RSKR: variants seen among roughly 807,000 people sequenced by gnomAD.
RSKR encodes the protein ribosomal protein S6 kinase-related protein.
A neutral mutation model predicts 56.8 loss-of-function variants in RSKR; 44 were observed. That is an observed-to-expected ratio of 0.77 (90% CI 0.61 to 1.00). The LOEUF is 1.00. RSKR is among the 50% of genes least tolerant of loss of function. The pLI is 0.00. For missense variants in RSKR, 510 were observed against 506.9 expected, an observed-to-expected ratio of 1.01 and a Z score of -0.06; for synonymous variants, 181 against 188.0, an observed-to-expected ratio of 0.96 and a Z score of 0.30.
In RSKR at chr17:28,610,831, G is replaced by A. The variant is rs894933571; in HGVS notation, c.1012-132C>T. The A allele has an allele frequency of 6.5e-6, 6 of 920,626 alleles. No homozygotes were observed. In the African/African-American group the frequency reaches 1.0e-4, roughly 15 times the overall value. 57.0% of individuals were successfully genotyped at this position (920,626 alleles called of 1,614,324 possible). ...AAGAACCCTGAAGAGTAGATGATTT[G>A]TAAAAGAGGGAGAAATAGAGGCTAA... On this transcript the variant is annotated intron_variant, in intron 11 of 11. Coordinates refer to ENST00000301037, the MANE Select transcript of RSKR (RefSeq NM_001174103.2).
At chr17:28,613,981 C>A in intron 1 of RSKR, 106 bp downstream of exon 1, 1 of 1,443,658 alleles carries the variant, frequency 6.9e-7, no homozygotes, top group Non-Finnish European at 9.5e-7. Context: ...TGCCCCACCC[C>A]CACATTGGGT....
At position 28,612,300 on chromosome 17, in the gene RSKR, G is replaced by C. The variant is rs761972074; in HGVS notation, c.614C>G (p.Ser205Cys). 1.2e-6 allele frequency: 2 copies of C among 1,614,140 alleles called. No individual in the cohort carries two copies. The highest frequency in any genetic ancestry group is 1.7e-6 in the Non-Finnish European group (2 of 1,180,020). Residue 205 changes from serine to cysteine, a missense_variant, in exon 6 of 12, where the codon TCC becomes TGC. Transcript: ENST00000301037. ...WSAVGCFPEA[S>C]IRLFAAELVL... ...CAACTCGGCAGCAAAGAGACGGATG[G>C]AAGCCTCAGGAAAGCAGCCAACAGC...
At position 28,613,263 on chromosome 17, in the gene RSKR, T is replaced by C; in HGVS notation, c.407A>G (p.Lys136Arg). 6.2e-7 allele frequency: 1 copy of C among 1,614,158 alleles called. No homozygotes were observed. Among genetic ancestry groups the C allele is most frequent in the Non-Finnish European group, 8.5e-7 (1 of 1,180,034 alleles). ...DCTQKAVFAV[K>R]VVPKVKVLQR... is the part of the protein sequence containing the mutation. ...CTAATGTGGTATCTACGCCCCTACC[T>C]TCACTGCAAATACAGCTTTCTGGGT... Residue 136 changes from lysine (K) to arginine (R), a missense_variant and splice_region_variant, in exon 3 of 12, where the codon AAG (lysine) becomes AGG (arginine). Physicochemically the swap from Lys to Arg is conservative, Grantham distance 26. Transcript: ENST00000301037.
At position 28,611,797 on chromosome 17, in the gene RSKR, T is replaced by C. The variant is rs1232495579; in HGVS notation, c.694-2A>G. The C allele has an allele frequency of 1.5e-5, 24 of 1,614,250 alleles. No individual in the cohort carries two copies. Among genetic ancestry groups the C allele is most frequent in the Non-Finnish European group, 1.9e-5 (22 of 1,180,046 alleles). On this transcript the variant is annotated splice_acceptor_variant, in intron 7 of 11. Transcript: ENST00000301037. LOFTEE classifies it high-confidence loss of function. ...TTCATCTAGAAGAATATTCTCCATCTGAAAGATCACAGGTGAGAAGTAATT... is the reference window on the plus strand; with the variant it reads ...TTCATCTAGAAGAATATTCTCCATCCGAAAGATCACAGGTGAGAAGTAATT...
At chr17:28,611,311 A>G in intron 10 of RSKR, 58 bp from the exon 11 acceptor site, 1 of 1,529,898 alleles carries the variant, frequency 6.5e-7, no homozygotes, top group South Asian at 1.2e-5. Context: ...TAGTAGGAAT[A>G]CGGCAAGATT....
intron 1 of RSKR, 161 bp downstream of exon 1, chr17:28,613,926 T>C: frequency 2.0e-6 from 2 of 998,618 alleles, no homozygotes; most frequent in South Asian, 3.2e-5. Flanking sequence ...GAGTACAGCC[T>C]GCACCTCAGT....
intron 1 of RSKR, 49 bp from the exon 2 acceptor site, chr17:28,613,737 A>C: frequency 6.2e-7 from 1 of 1,605,894 alleles, no homozygotes; most frequent in Admixed American, 1.7e-5. Context: ...GAGGCATAGC[A>C]GGTTCCACCC....
intron 1 of RSKR, 98 bp downstream of exon 1, chr17:28,613,989 G>A: frequency 1.4e-6 from 2 of 1,480,870 alleles, no homozygotes; most frequent in Non-Finnish European, 1.8e-6. Flanking sequence ...CCCCACATTG[G>A]GTAATCACTT....
Position 28,614,080 on chromosome 17 carries a change from A to T in RSKR, c.75+7T>A. 1 of 1,612,262 alleles carries T rather than the reference A, an allele frequency of 6.2e-7. No homozygotes were observed. Among genetic ancestry groups the T allele is most frequent in the Non-Finnish European group, 8.5e-7 (1 of 1,178,842 alleles). On this transcript the variant is annotated splice_region_variant and intron_variant, in intron 1 of 11. Coordinates refer to ENST00000301037, the MANE Select transcript of RSKR (RefSeq NM_001174103.2). ...CCTCAGTAGGCTGCCAGAGCCCCAC[A>T]GCCTACCTTGTGAGGGACAGCCACC...
At chr17:28,612,473 C>A (rs765798090) in intron 5 of RSKR, 107 bp from the exon 6 acceptor site, 11 of 1,375,754 alleles carry the variant, frequency 8.0e-6, no homozygotes, top group Admixed American at 1.9e-5. Context: ...CAAACTGATA[C>A]CACCTGCTGT....
At chr17:28,613,756 A>G in intron 1 of RSKR, 68 bp from the exon 2 acceptor site, 1 of 1,591,870 alleles carries the variant, frequency 6.3e-7, no homozygotes, top group Admixed American at 1.7e-5. Flanking sequence ...CCATCTTACT[A>G]GGCACTCCCT....
At position 28,613,439 on chromosome 17, in the gene RSKR, C is replaced by A; in HGVS notation, c.324+1G>T. On this transcript the variant is annotated splice_donor_variant, in intron 2 of 11. Coordinates refer to ENST00000301037, the MANE Select transcript of RSKR (RefSeq NM_001174103.2). LOFTEE classifies it high-confidence loss of function. ...CCCACTCAGGGATTCCACTGACTTA[C>A]CTTCAGCTGCTGCTGCCCCCTAATG... 2 of 1,614,232 alleles carry A rather than the reference C, an allele frequency of 1.2e-6. No individual in the cohort carries two copies. The highest frequency in any genetic ancestry group is 8.5e-7 in the Non-Finnish European group (1 of 1,180,036).
chr17:28,613,095 CTT>C lies in RSKR; in HGVS notation c.458_459del (p.Lys153ArgfsTer4). ...GTGCATACCTGGATGCTAACCTCCT[CTT>C]TGCACTGCCTCACGGTATCCCTCTG... ...VLQRDTVRQC[K>X]EEVSIQRQIN... is the part of the protein sequence containing the mutation. On this transcript the variant is annotated frameshift_variant, in exon 4 of 12. Transcript: ENST00000301037. LOFTEE classifies it high-confidence loss of function. 1 of 1,614,146 alleles carries C rather than the reference CTT, an allele frequency of 6.2e-7. No homozygotes were observed. The highest frequency in any genetic ancestry group is 8.5e-7 in the Non-Finnish European group (1 of 1,180,028).
At chr17:28,610,748 C>T in intron 11 of RSKR, 49 bp from the exon 12 acceptor site, 1 of 1,496,854 alleles carries the variant, frequency 6.7e-7, no homozygotes, top group South Asian at 1.2e-5. Context: ...CAGGACAGGC[C>T]TGAACAGAAA....
Position 28,609,738 on chromosome 17 carries a change from CAA to C in RSKR, c.*738_*739del, listed in dbSNP as rs890068022. ...GGGTGACGAGAGTGAGACCCTATCT[CAA>C]AAAAAAAAAAAAAAAAAAAAAAAAA... On this transcript the variant is annotated 3_prime_UTR_variant, in exon 12 of 12. Transcript: ENST00000301037. 3.5e-4 allele frequency: 7 copies of C among 20,014 alleles called. No homozygotes were observed. Among genetic ancestry groups the C allele is most frequent in the East Asian group, 1.7e-3 (1 of 580 alleles). 1.2% of individuals were successfully genotyped at this position (20,014 alleles called of 1,614,324 possible). A position where few individuals can be genotyped will look rare whatever the true frequency, so the allele number is the denominator to read the frequency against.
rs2070835208 is a variant in RSKR at position 28,612,646 on chromosome 17, G to C, written c.519C>G (p.Ser173Arg). The stretch of plus-strand genomic sequence containing the variant: ...TGAAAAGGTGCCGTTTTCCCTGCCA[G>C]CTGTCCCCCAAGCTGTGTACAAAGG... ...NHPFVHSLGD[S>R]WQGKRHLFIM... The change falls in exon 5 of 12, where the codon AGC becomes AGG. Residue 173 changes from serine (S) to arginine (R), a missense_variant. Coordinates refer to ENST00000301037, the MANE Select transcript of RSKR (RefSeq NM_001174103.2). 1 of 1,614,056 alleles carries C rather than the reference G, an allele frequency of 6.2e-7. No individual in the cohort carries two copies. Among genetic ancestry groups the C allele is most frequent in the African/African-American group, 1.3e-5 (1 of 74,918 alleles).
At chr17:28,613,711 TA>T in intron 1 of RSKR, 23 bp from the exon 2 acceptor site, 1 of 1,612,550 alleles carries the variant, frequency 6.2e-7, no homozygotes, top group Non-Finnish European at 8.5e-7. Flanking sequence ...GGAGCCACTC[TA>T]AACTTTCTGC....
chr17:28,612,385 GCTA>G lies in RSKR; in HGVS notation c.548-22_548-20del. The G allele has an allele frequency of 6.2e-7, 1 of 1,609,980 alleles. No individual in the cohort carries two copies. The highest frequency in any genetic ancestry group is 1.1e-5 in the South Asian group (1 of 90,912). On this transcript the variant is annotated intron_variant, in intron 5 of 11. Coordinates refer to ENST00000301037, the MANE Select transcript of RSKR (RefSeq NM_001174103.2). ...CTACACACTGCAAAGCCAGTGTGGAGCTACATACATTGCCAGAAGTCTAGGCAA... is the reference window on the plus strand; with the variant it reads ...CTACACACTGCAAAGCCAGTGTGGAGCATACATTGCCAGAAGTCTAGGCAA...
intron 4 of RSKR, 51 bp downstream of exon 4, chr17:28,613,023 TTCCC>T: frequency 6.3e-7 from 1 of 1,577,862 alleles, no homozygotes; most frequent in Non-Finnish European, 8.7e-7. Flanking sequence ...GAAAGGTACT[TTCCC>T]TACCTGTGGC....
Sources: allele counts gnomAD v4.1 joint callset, GRCh38; gene constraint gnomAD v4.1.1; transcripts MANE v1.5; gene names NCBI Gene and HGNC (gene_info 2026-07-23, HGNC 2026-07-21).